The following RNF213 variants were observed in gnomAD, a reference collection of about 807,000 sequenced individuals.
RNF213 encodes E3 ubiquitin-protein ligase RNF213.
Under a neutral mutation model 514.4 loss-of-function variants are expected in RNF213, and 341 were observed. The ratio of observed to expected loss-of-function variants is 0.66; its 90% confidence interval spans 0.61 to 0.73. The LOEUF is 0.73. RNF213 is among the 30% of genes least tolerant of loss of function. RNF213 has a pLI of 0.00. For synonymous variants in RNF213, 2,655 were observed against 2,658.2 expected (o/e 1.00, Z 0.04); for missense variants, 5,767 against 6,615.6 (o/e 0.87, Z 4.45).
At chr17:80,299,888 T>A (rs530063138) in intron 11 of RNF213, among the ~76,000 whole-genome samples, 1 of 152,344 alleles carries the variant, frequency 6.6e-6, no homozygotes, top group African/African-American at 2.4e-5. Context: ...GCAAAGGACA[T>A]GATTTCATTC....
In RNF213 at chr17:80,295,592, C is replaced by T. The variant is rs765216006; in HGVS notation, c.1791C>T (p.His597=). Residue 597 remains histidine (H), a synonymous_variant, in exon 10 of 68, where the codon CAC becomes CAT. Coordinates refer to ENST00000582970, the MANE Select transcript of RNF213 (RefSeq NM_001256071.3). ...KRYLWQHLKK[H]VVPLPDGKST... is the part of the protein sequence containing the mutation. ...ACCTGTGGCAACATCTGAAAAAACA[C>T]GTGGTACCATTGCCGGACGGAAAAA... The T allele has an allele frequency of 6.8e-6, 11 of 1,614,160 alleles. No individual in the cohort carries two copies. The highest frequency in any genetic ancestry group is 2.2e-5 in the East Asian group (1 of 44,890).
chr17:80,268,645 G>GTTTA (rs113898106), intron 2 of RNF213, among the ~76,000 whole-genome samples: 1 of 151,072 alleles, frequency 6.6e-6, no homozygotes, highest in African/African-American at 2.4e-5. Context: ...CCGTTTATCT[G>GTTTA]TCTATCTATC....
chr17:80,393,328 C>A lies in RNF213; in HGVS notation c.15471-17C>A. 6.2e-7 allele frequency: 1 copy of A among 1,613,026 alleles called. No individual in the cohort carries two copies. The highest frequency in any genetic ancestry group is 8.5e-7 in the Non-Finnish European group (1 of 1,179,594). The stretch of plus-strand genomic sequence containing the variant: ...CTGAGGAGACTGTTTTAAATGCTCT[C>A]TTCTTTGGTTTTTCAGCCTGAGAGA... On this transcript the variant is annotated splice_polypyrimidine_tract_variant and intron_variant, in intron 67 of 67. Transcript: ENST00000582970.
chr17:80,372,038 T>C, intron 47 of RNF213, 53 bp downstream of exon 47: 1 of 946,338 alleles, frequency 1.1e-6, no homozygotes, highest in Non-Finnish European at 1.8e-6. Context: ...CTGAACCACA[T>C]GGTTTAAAAT....
intron 6 of RNF213, 111 bp downstream of exon 6, chr17:80,289,948 T>A (rs1017099332): frequency 3.5e-5 from 44 of 1,242,524 alleles, no homozygotes; most frequent in Non-Finnish European, 4.8e-5. Context: ...GTCAGCTGTT[T>A]TGGCAAGTTT....
chr17:80,294,584 G>A lies in RNF213; in HGVS notation c.1472-136G>A, dbSNP rs537145168. The A allele has an allele frequency of 6.0e-5, 66 of 1,091,154 alleles. 2 individuals carry two copies. Among genetic ancestry groups the A allele is most frequent in the Middle Eastern group, 5.7e-4 (2 of 3,516 alleles). 67.6% of individuals were successfully genotyped at this position (1,091,154 alleles called of 1,614,324 possible). A position where few individuals can be genotyped will look rare whatever the true frequency, so the allele number is the denominator to read the frequency against. On this transcript the variant is annotated intron_variant, in intron 8 of 67. Coordinates refer to ENST00000582970, the MANE Select transcript of RNF213 (RefSeq NM_001256071.3). ...GGCTGTCGTCAGTGTGTGGGTTTTTGCTTTTCCCTTCCTCCCTTCCTCTGC... is the reference window on the plus strand; with the variant it reads ...GGCTGTCGTCAGTGTGTGGGTTTTTACTTTTCCCTTCCTCCCTTCCTCTGC...
intron 2 of RNF213, among the ~76,000 whole-genome samples, chr17:80,270,717 G>A (rs1191447021): frequency 6.6e-6 from 1 of 152,172 alleles, no homozygotes; most frequent in Admixed American, 6.6e-5. Context: ...CCTTATGATT[G>A]TTGGGACTGT....
At position 80,388,597 on chromosome 17, in the gene RNF213, T is replaced by G. The variant is rs1355724256; in HGVS notation, c.14923-15T>G. The G allele has an allele frequency of 1.9e-6, 3 of 1,582,150 alleles. No homozygotes were observed. Among genetic ancestry groups the G allele is most frequent in the Middle Eastern group, 1.8e-4 (1 of 5,624 alleles). Reference sequence around the variant, plus strand: ...TGGATTTAATTTTAAAAAACTTTTTTCTTTCCCAATTTAGGGAATACCCAC... The same window carrying G: ...TGGATTTAATTTTAAAAAACTTTTTGCTTTCCCAATTTAGGGAATACCCAC... On this transcript the variant is annotated splice_polypyrimidine_tract_variant and intron_variant, in intron 63 of 67. Coordinates refer to ENST00000582970, the MANE Select transcript of RNF213 (RefSeq NM_001256071.3).
intron 6 of RNF213, among the ~76,000 whole-genome samples, 175 bp from the exon 7 acceptor site, chr17:80,290,395 A>G (rs1339492244): frequency 1.5e-5 from 2 of 132,692 alleles, no homozygotes; most frequent in Non-Finnish European, 3.2e-5. Flanking sequence ...GTGTGCGTGT[A>G]CGTGTGCTTG....
intron 23 of RNF213, chr17:80,336,650 C>T: frequency 2.2e-6 from 1 of 454,174 alleles, no homozygotes; most frequent in Non-Finnish European, 4.1e-6. Flanking sequence ...GAAACGTTGC[C>T]AGGAGTTTTC....
At chr17:80,365,321 A>C in intron 42 of RNF213, 1 of 152,750 alleles carries the variant, frequency 6.5e-6, no homozygotes, top group East Asian at 1.9e-4. Flanking sequence ...ACCTATCAAA[A>C]CATCAGCGGC....
intron 2 of RNF213, among the ~76,000 whole-genome samples, chr17:80,265,048 T>TTG (rs2043565439): frequency 7.1e-6 from 1 of 140,854 alleles, no homozygotes; most frequent in African/African-American, 2.7e-5. Flanking sequence ...TTGTTTGTTT[T>TTG]TTTTTTTTTT....
chr17:80,339,945 G>A lies in RNF213; in HGVS notation c.5578G>A (p.Asp1860Asn), dbSNP rs762473287. The change falls in exon 26 of 68, where the codon GAT becomes AAT. Residue 1860 changes from aspartate (D) to asparagine (N), a missense_variant. Physicochemically the swap from Asp to Asn is conservative, Grantham distance 23. Around this residue, in one of 13 missense-constraint regions of RNF213, gnomAD observed 1,377 missense variants for 1,635.2 expected, o/e 0.84. Transcript: ENST00000582970. ...QTPSQPLPTY[D>N]EVLLCTPATT... The stretch of plus-strand genomic sequence containing the variant: ...CCCAAGCCAGCCCCTGCCCACTTAC[G>A]ATGAGGTGCTGCTCTGCACCCCGGC... The A allele has an allele frequency of 3.3e-6, 5 of 1,536,870 alleles. No individual in the cohort carries two copies. The South Asian group carries it at 3.6e-5, about 11-fold the overall frequency.
chr17:80,318,198 C>T (rs1449390880), intron 16 of RNF213, among the ~76,000 whole-genome samples: 2 of 152,072 alleles, frequency 1.3e-5, no homozygotes, highest in Admixed American at 1.3e-4. Flanking sequence ...AGGGTGGGCC[C>T]TAGGTAGTTT....
In RNF213 at chr17:80,282,756, G is replaced by A. The variant is rs2044344589; in HGVS notation, c.262-5059G>A. 3.3e-5 allele frequency among the ~76,000 whole-genome samples: 5 copies of A among 152,110 alleles called. No homozygotes were observed. The South Asian group carries it at 6.2e-4, about 19-fold the overall frequency. On this transcript the variant is annotated intron_variant, in intron 3 of 67. Transcript: ENST00000582970. ...CTGTCTCCCAGGCTGGAGTGCAGTG[G>A]TGCAATCTTGGCTCACTGCAACCTC... is the stretch of plus-strand genomic sequence containing the variant.
chr17:80,273,534 C>A, intron 3 of RNF213, 130 bp downstream of exon 3: 2 of 1,188,930 alleles, frequency 1.7e-6, no homozygotes, highest in Non-Finnish European at 2.4e-6. Context: ...CACAGGGCAG[C>A]AGCAGAGCTG....
Position 80,294,814 on chromosome 17 carries a change from G to A in RNF213, c.1566G>A (p.Leu522=). 6.2e-7 allele frequency: 1 copy of A among 1,614,208 alleles called. No homozygotes were observed. The highest frequency in any genetic ancestry group is 8.5e-7 in the Non-Finnish European group (1 of 1,180,034). Residue 522 remains leucine (L), a synonymous_variant, in exon 9 of 68, where the codon CTG becomes CTA. Coordinates refer to ENST00000582970, the MANE Select transcript of RNF213 (RefSeq NM_001256071.3). The part of the protein sequence containing the change: ...NHITDGPRKD[L]VKGKQIAAAL... Reference sequence around the variant, plus strand: ...TCACAGACGGGCCGAGGAAGGACCTGGTGAAGGGGAAGCAGATTGCCGCTG... The same window carrying A: ...TCACAGACGGGCCGAGGAAGGACCTAGTGAAGGGGAAGCAGATTGCCGCTG...
chr17:80,339,730 G>T lies in RNF213; in HGVS notation c.5363G>T (p.Cys1788Phe), dbSNP rs1333152117. The change falls in exon 26 of 68, where the codon TGC becomes TTC. Residue 1788 changes from cysteine to phenylalanine, a missense_variant. Physicochemically the swap from Cys to Phe is radical, Grantham distance 205. This residue lies in a region of RNF213 where 1,377 missense variants were observed against 1,635.2 expected (regional missense o/e 0.84). Transcript: ENST00000582970. ...LRIIMEQSMR[C>F]LPAFLPDCLD... ...ATCATCATGGAGCAGTCCATGAGGT[G>T]CCTTCCTGCCTTCCTGCCCGACTGC... The T allele has an allele frequency of 1.3e-6, 2 of 1,537,022 alleles. No individual in the cohort carries two copies. Among genetic ancestry groups the T allele is most frequent in the Non-Finnish European group, 1.7e-6 (2 of 1,146,870 alleles).
intron 63 of RNF213, among the ~76,000 whole-genome samples, chr17:80,387,754 C>A (rs1311242713): frequency 6.6e-6 from 1 of 152,212 alleles, no homozygotes; most frequent in African/African-American, 2.4e-5. Flanking sequence ...CCAGCCCAAC[C>A]TTCCAGCCCT....
Sources: gnomAD v4.1 joint callset for allele counts (sites outside exome capture counted in the v4.1 genomes callset) on GRCh38, gnomAD v4.1.1 for gene constraint, gnomAD v4.1.1 regional missense constraint, MANE v1.5 for transcripts, NCBI Gene and HGNC (gene_info 2026-07-23, HGNC 2026-07-21) for gene names.